Variants in MGAT4C observed in about 807,000 individuals in gnomAD.
MGAT4C encodes alpha-1,3-mannosyl-glycoprotein 4-beta-N-acetylglucosaminyltransferase C.
Under a neutral mutation model 40.1 loss-of-function variants are expected in MGAT4C, and 19 were observed. The ratio of observed to expected loss-of-function variants is 0.47; its 90% CI spans 0.33 to 0.70. The LOEUF (loss-of-function observed/expected upper bound fraction) is 0.70. Among genes scored for constraint, MGAT4C ranks in the 30% least tolerant of loss-of-function variants. MGAT4C has a pLI of 0.02. For synonymous variants in MGAT4C, 181 were observed against 187.1 expected, an observed-to-expected ratio of 0.97 and a Z score of 0.27; for missense variants, 491 against 563.2, an observed-to-expected ratio of 0.87 and a Z score of 1.30.
At chr12:86,663,318 C>A (rs533327134) in intron 2 of MGAT4C, among the ~76,000 whole-genome samples, 2 of 123,670 alleles carry the variant, frequency 1.6e-5, no homozygotes, top group African/African-American at 6.5e-5. Flanking sequence ...CGTGAGCACA[C>A]TAGCCTGAGT....
At chr12:86,380,934 T>C (rs1448777492) in intron 3 of MGAT4C, among the ~76,000 whole-genome samples, 1 of 152,172 alleles carries the variant, frequency 6.6e-6, no homozygotes, top group Non-Finnish European at 1.5e-5. Context: ...GGAATTTCTT[T>C]GAGAAGTATA....
intron 2 of MGAT4C, among the ~76,000 whole-genome samples, chr12:86,025,753 G>GA (rs1890188028): frequency 6.6e-6 from 1 of 151,200 alleles, no homozygotes; most frequent in Non-Finnish European, 1.5e-5. Context: ...ATTTATTATG[G>GA]AAAAAATGAA....
rs149398352 is a variant in MGAT4C, at chr12:86,614,420, A to G, written c.-229+112789T>C. Among the ~76,000 whole-genome samples, 12 of 152,256 alleles carry G rather than the reference A, an allele frequency of 7.9e-5. No individual in the cohort carries two copies. The East Asian group carries it at 2.3e-3, about 29-fold the overall frequency. On this transcript the variant is annotated intron_variant, in intron 2 of 7. Coordinates refer to the MGAT4C transcript ENST00000548651. ...TGTGGGATAAAAGCCAGAATAATTA[A>G]AGGGATTATGGATAATATATGCTTT...
intron 1 of MGAT4C, among the ~76,000 whole-genome samples, chr12:86,809,122 G>A (rs985304029): frequency 6.6e-6 from 1 of 152,032 alleles, no homozygotes; most frequent in Non-Finnish European, 1.5e-5. Flanking sequence ...ACTGCTCAAG[G>A]AAATCAAAGA....
intron 1 of MGAT4C, among the ~76,000 whole-genome samples, chr12:86,771,718 G>A (rs1459188389): frequency 1.4e-5 from 2 of 147,150 alleles, no homozygotes; most frequent in East Asian, 4.0e-4. Context: ...GTGTGTGTGT[G>A]TGTGTATGTG....
intron 4 of MGAT4C, among the ~76,000 whole-genome samples, chr12:86,308,471 A>G (rs1953994281): frequency 6.6e-6 from 1 of 150,506 alleles, no homozygotes; most frequent in Admixed American, 6.6e-5. Context: ...CTCAAAAGAG[A>G]TCTGAGGGAA....
At chr12:86,623,609 A>G (rs1312080832) in intron 2 of MGAT4C, among the ~76,000 whole-genome samples, 1 of 152,200 alleles carries the variant, frequency 6.6e-6, no homozygotes, top group Non-Finnish European at 1.5e-5. Context: ...CAAGTCAAAA[A>G]TATCTTTCAA....
intron 2 of MGAT4C, among the ~76,000 whole-genome samples, chr12:86,488,590 G>A (rs1474708234): frequency 2.0e-5 from 3 of 151,392 alleles, no homozygotes; most frequent in African/African-American, 4.9e-5. Flanking sequence ...TCCAATAAAT[G>A]GCTTGAAGAG....
intron 2 of MGAT4C, among the ~76,000 whole-genome samples, chr12:86,703,849 C>A (rs902997025): frequency 6.6e-6 from 1 of 152,102 alleles, no homozygotes; most frequent in African/African-American, 2.4e-5. Flanking sequence ...CTCTGGCTAA[C>A]TTCATAAAAA....
intron 4 of MGAT4C, among the ~76,000 whole-genome samples, chr12:86,268,181 A>G (rs760655508): frequency 2.8e-4 from 43 of 152,240 alleles, no homozygotes; most frequent in South Asian, 2.1e-4. Context: ...GGCCTTAGAA[A>G]TTATTGATCT....
At chr12:86,744,832 C>T (rs1363092503) in intron 1 of MGAT4C, among the ~76,000 whole-genome samples, 1 of 151,402 alleles carries the variant, frequency 6.6e-6, no homozygotes, top group Non-Finnish European at 1.5e-5. Flanking sequence ...CATCTGAGGG[C>T]CCTCCACCAC....
intron 2 of MGAT4C, among the ~76,000 whole-genome samples, chr12:86,708,119 G>A (rs999885738): frequency 6.6e-6 from 1 of 152,200 alleles, no homozygotes; most frequent in Non-Finnish European, 1.5e-5. Context: ...CAGAGGCCTA[G>A]GAGGGAAAAG....
intron 2 of MGAT4C, among the ~76,000 whole-genome samples, chr12:86,536,356 C>T (rs959490071): frequency 2.0e-5 from 3 of 152,044 alleles, no homozygotes; most frequent in African/African-American, 7.2e-5. Flanking sequence ...CCTGTTAAGA[C>T]ATGGATCCTT....
Position 86,037,142 on chromosome 12 carries a change from C to T in MGAT4C, c.-7+12532G>A, listed in dbSNP as rs189855329. On this transcript the variant is annotated intron_variant, in intron 2 of 4. Transcript: ENST00000611864. ...TGTGAGATCAGTGGTGATATCCCCT[C>T]GATCATTTTTTATTGCATCTATTTG... Among the ~76,000 whole-genome samples the T allele has an allele frequency of 2.3e-3, 352 of 149,846 alleles. 32 individuals carry two copies. Among genetic ancestry groups the T allele is most frequent in the Non-Finnish European group, 4.3e-3 (290 of 66,740 alleles).
rs375166784 is a variant in MGAT4C, at chr12:86,761,371, C to T, written c.-261-34130G>A. 7.2e-5 allele frequency among the ~76,000 whole-genome samples: 11 copies of T among 152,102 alleles called. No homozygotes were observed. In the East Asian group the frequency reaches 2.1e-3, roughly 29 times the overall value. On this transcript the variant is annotated intron_variant, in intron 1 of 7. Coordinates refer to the MGAT4C transcript ENST00000548651. ...ATTATGGGTTAAGTGTAATTATTTA[C>T]AAAGACATTGTATTTTTTCCTATTG...
chr12:86,239,577 CCTT>C (rs2136039666), intron 1 of MGAT4C, among the ~76,000 whole-genome samples: 1 of 152,016 alleles, frequency 6.6e-6, no homozygotes, highest in South Asian at 2.1e-4. Flanking sequence ...TCCCATTAAT[CCTT>C]GGAGCATTCT....
intron 1 of MGAT4C, among the ~76,000 whole-genome samples, chr12:86,728,056 T>C (rs1370578186): frequency 6.6e-6 from 1 of 152,182 alleles, no homozygotes; most frequent in Non-Finnish European, 1.5e-5. Context: ...ATAAATAAGT[T>C]TTATTCAGAT....
At chr12:86,337,721 C>T (rs897213010) in intron 3 of MGAT4C, among the ~76,000 whole-genome samples, 1 of 151,894 alleles carries the variant, frequency 6.6e-6, no homozygotes, top group African/African-American at 2.4e-5. Context: ...TAAAAGTCGA[C>T]ATTTACTGAA....
rs114228385 is a variant in MGAT4C, at chr12:86,486,919, C to T, written c.-228-51654G>A. 3.5e-3 allele frequency among the ~76,000 whole-genome samples: 529 copies of T among 152,210 alleles called. 3 individuals carry two copies. The highest frequency in any genetic ancestry group is 0.012 in the African/African-American group (505 of 41,550). ...ATCTGGATTCTGCAAATTAATCAAT[C>T]GTCAAATTTTCAGGCTCAGCAAAGC... On this transcript the variant is annotated intron_variant, in intron 2 of 7. Transcript: ENST00000548651.
Sources: allele counts gnomAD v4.1 joint callset (sites outside exome capture counted in the v4.1 genomes callset), GRCh38; gene constraint gnomAD v4.1.1; transcripts MANE v1.5; gene names NCBI Gene and HGNC (gene_info 2026-07-23, HGNC 2026-07-21).